NBPF11: variants seen among roughly 807,000 people sequenced by gnomAD.
The protein encoded by NBPF11 is NBPF member 11, also known as NBPF family member NBPF11.
A neutral mutation model predicts 93.9 loss-of-function variants in NBPF11; 72 were observed. That is an observed-to-expected ratio of 0.77 (90% CI 0.63 to 0.93). NBPF11 has a LOEUF of 0.93. NBPF11 is among the 40% of genes least tolerant of loss of function. The probability of loss-of-function intolerance (pLI) is 0.00; values close to 1 mark genes in which losing one functional copy is unlikely to be tolerated. For missense variants in NBPF11, 705 were observed against 802.2 expected (o/e 0.88, Z 1.46); for synonymous variants, 224 against 304.9 (o/e 0.73, Z 2.76).
intron 1 of NBPF11, among the ~76,000 whole-genome samples, chr1:148,148,114 G>C (rs1673496601): frequency 6.6e-6 from 1 of 152,178 alleles, no homozygotes; most frequent in African/African-American, 2.4e-5. Context: ...CCAGGGAGCA[G>C]GCCGGGGAGG....
intron 7 of NBPF11, 104 bp from the exon 8 acceptor site, chr1:148,122,905 T>C (rs1223226658): frequency 1.2e-5 from 19 of 1,597,184 alleles, no homozygotes; most frequent in African/African-American, 2.7e-5. Context: ...TGGTTCAGCA[T>C]TGTACTGAAA....
chr1:148,124,132 AAC>A, intron 6 of NBPF11, 65 bp from the exon 7 acceptor site: 2 of 1,587,864 alleles, frequency 1.3e-6, no homozygotes, highest in Non-Finnish European at 1.7e-6. Context: ...CAAATATTGC[AAC>A]AGAGATTTCT....
In NBPF11 at chr1:148,103,901, A is replaced by T. The variant is rs1163212606; in HGVS notation, c.2593T>A (p.Cys865Ser). 7 of 1,610,894 alleles carry T rather than the reference A, an allele frequency of 4.3e-6. No homozygotes were observed. Among genetic ancestry groups the T allele is most frequent in the Non-Finnish European group, 5.9e-6 (7 of 1,179,140 alleles). The part of the protein sequence containing the change: ...KTHHAPGSAA[C>S] ...TTCAGGCACTTCCACTTCCATCAGC[A>T]CGCTGCTGAGCCTGGAAAAGGAGAC... Residue 865 changes from cysteine (C) to serine (S), a missense_variant, in exon 24 of 24, where the codon TGC (cysteine) becomes AGC (serine). By Grantham distance (112) the Cys-to-Ser change is moderately radical. Coordinates refer to ENST00000682118, the MANE Select transcript of NBPF11 (RefSeq NM_001385469.3).
intron 2 of NBPF11, among the ~76,000 whole-genome samples, chr1:148,142,001 G>A (rs1473320118): frequency 4.8e-5 from 7 of 144,856 alleles, no homozygotes; most frequent in Non-Finnish European, 7.6e-5. Context: ...AGGGAGGGAG[G>A]GAAGGAGGGA....
intron 8 of NBPF11, 139 bp from the exon 9 acceptor site, chr1:148,122,405 C>G (rs1286624524): frequency 9.9e-6 from 14 of 1,413,180 alleles, no homozygotes; most frequent in African/African-American, 8.5e-5. Flanking sequence ...TAAGAGGGAA[C>G]AGGCAATCCT....
intron 9 of NBPF11, among the ~76,000 whole-genome samples, chr1:148,121,831 T>A (rs1464817579): frequency 1.3e-5 from 2 of 151,972 alleles, no homozygotes; most frequent in Non-Finnish European, 2.9e-5. Flanking sequence ...TTCGTAAAGA[T>A]GGGTTTCACC....
At chr1:148,142,283 G>A (rs1190036217) in intron 2 of NBPF11, among the ~76,000 whole-genome samples, 1 of 151,908 alleles carries the variant, frequency 6.6e-6, no homozygotes, top group African/African-American at 2.4e-5. Flanking sequence ...ATTAGAGAGA[G>A]ACGCACTACT....
At position 148,120,569 on chromosome 1, in the gene NBPF11, C is replaced by T; in HGVS notation, c.920G>A (p.Arg307Lys). The T allele has an allele frequency of 3.8e-6, 5 of 1,303,054 alleles. No individual in the cohort carries two copies. The South Asian group carries it at 5.9e-5, about 15-fold the overall frequency. 80.7% of individuals were successfully genotyped at this position (1,303,054 alleles called of 1,614,324 possible). A position where few individuals can be genotyped will look rare whatever the true frequency, so the allele number is the denominator to read the frequency against. Reference sequence around the variant, plus strand: ...TACAAAACATTTCTCTTTGAGGCTTCTGAACTGCTGTTTCTTCTCTGCCAG... The same window carrying T: ...TACAAAACATTTCTCTTTGAGGCTTTTGAACTGCTGTTTCTTCTCTGCCAG... ...PQLAEKKQQF[R>K]SLKEKCFVTQ... Residue 307 changes from arginine to lysine, a missense_variant, in exon 10 of 24, where the codon AGA becomes AAA. By Grantham distance (26) the Arg-to-Lys change is conservative. Transcript: ENST00000682118.
chr1:148,103,784 T>G lies in NBPF11; in HGVS notation c.*112A>C. 1.9e-6 allele frequency: 3 copies of G among 1,611,834 alleles called. No homozygotes were observed. The highest frequency in any genetic ancestry group is 2.2e-5 in the East Asian group (1 of 44,874). On this transcript the variant is annotated 3_prime_UTR_variant, in exon 24 of 24. Coordinates refer to ENST00000682118, the MANE Select transcript of NBPF11 (RefSeq NM_001385469.3). ...GCTGATGTGCTGTTCCTCAAATGAG[T>G]AAAACACACTTCTGTAGTGCTGGAA...
intron 1 of NBPF11, among the ~76,000 whole-genome samples, chr1:148,148,188 C>A (rs1403354571): frequency 6.6e-6 from 1 of 152,188 alleles, no homozygotes. Flanking sequence ...GGGTGAGTGG[C>A]GAGCTGTGGA....
Position 148,124,925 on chromosome 1 carries a change from C to A in NBPF11, c.252G>T (p.Glu84Asp), listed in dbSNP as rs1553272668. 5.0e-6 allele frequency: 8 copies of A among 1,610,148 alleles called. No individual in the cohort carries two copies. The highest frequency in any genetic ancestry group is 5.9e-6 in the Non-Finnish European group (7 of 1,179,880). Residue 84 changes from glutamate (E) to aspartate (D), a missense_variant, in exon 6 of 24, where the codon GAG (glutamate) becomes GAT (aspartate). Glu to Asp is a conservative substitution (Grantham distance 45). This residue lies in a region of NBPF11 where 128 missense variants were observed against 112.8 expected (regional missense o/e 1.14). Coordinates refer to ENST00000682118, the MANE Select transcript of NBPF11 (RefSeq NM_001385469.3). ...TGAGCTCCTCAGCTTGCTTGAGCTG[C>A]TCTGCAAGCTTCTCCTCCTTGAACT... ...ERQFKEEKLA[E>D]QLKQAEELRQ...
intron 11 of NBPF11, among the ~76,000 whole-genome samples, chr1:148,118,290 G>T (rs1164043017): frequency 0.099 from 14,987 of 151,860 alleles, 995 homozygotes; most frequent in Middle Eastern, 0.17. Flanking sequence ...TCTCACTAGG[G>T]TAAGTGGGGT....
At chr1:148,141,879 A>G (rs1672221164) in intron 2 of NBPF11, among the ~76,000 whole-genome samples, 1 of 151,874 alleles carries the variant, frequency 6.6e-6, no homozygotes, top group Admixed American at 6.6e-5. Context: ...AGATTTTGAT[A>G]AGCAATGTAG....
chr1:148,149,596 A>G, intron 1 of NBPF11: 5 of 1,588,356 alleles, frequency 3.1e-6, no homozygotes, highest in South Asian at 1.1e-5. Context: ...GACCTCAGCA[A>G]TAAGGCGGCC....
intron 12 of NBPF11, among the ~76,000 whole-genome samples, chr1:148,116,764 C>A (rs28673581): frequency 1.3e-5 from 2 of 151,852 alleles, no homozygotes; most frequent in African/African-American, 2.4e-5. Flanking sequence ...ATTGAAAAGA[C>A]CTTTTGCTTC....
At position 148,122,795 on chromosome 1, in the gene NBPF11, T is replaced by C. The variant is rs1429004042; in HGVS notation, c.500A>G (p.Asp167Gly). 22 of 1,609,728 alleles carry C rather than the reference T, an allele frequency of 1.4e-5. 1 individual carries two copies. Among genetic ancestry groups the C allele is most frequent in the African/African-American group, 4.0e-5 (3 of 74,634 alleles). The change falls in exon 8 of 24, where the codon GAC becomes GGC. Residue 167 changes from aspartate to glycine, a missense_variant. Physicochemically the swap from Asp to Gly is moderately conservative, Grantham distance 94. Coordinates refer to ENST00000682118, the MANE Select transcript of NBPF11 (RefSeq NM_001385469.3). ...TTGAACATCTTCATCCTCATCTTCG[T>C]CATTTTCTATAAATACAAAATGTTC... ...HLVQKLSPEN[D>G]EDEDEDVQVE...
chr1:148,146,005 G>C (rs1672943842), intron 1 of NBPF11, among the ~76,000 whole-genome samples: 2 of 152,114 alleles, frequency 1.3e-5, no homozygotes, highest in South Asian at 4.1e-4. Flanking sequence ...TGCATATCCA[G>C]AATAAAGTAT....
At chr1:148,131,224 A>G (rs2149264987) in intron 4 of NBPF11, among the ~76,000 whole-genome samples, 1 of 150,944 alleles carries the variant, frequency 6.6e-6, no homozygotes, top group Admixed American at 6.6e-5. Flanking sequence ...AAAGCCCACC[A>G]AGAGTTTTGC....
chr1:148,116,359 C>T (rs1191796430), intron 13 of NBPF11, 104 bp downstream of exon 13: 30 of 687,080 alleles, frequency 4.4e-5, no homozygotes, highest in South Asian at 4.2e-4. Context: ...TGTGGCCAAG[C>T]GAATGCGGGT....
Sources: allele counts gnomAD v4.1 joint callset (sites outside exome capture counted in the v4.1 genomes callset), GRCh38; gene constraint gnomAD v4.1.1; regional missense constraint gnomAD v4.1.1; transcripts MANE v1.5; gene names NCBI Gene and HGNC (gene_info 2026-07-23, HGNC 2026-07-21).